Variants in STXBP5L observed in about 807,000 individuals in gnomAD.
The protein encoded by STXBP5L is syntaxin binding protein 5L, also known as syntaxin-binding protein 5-like.
A neutral mutation model predicts 144.5 loss-of-function variants in STXBP5L; 65 were observed. The ratio of observed to expected loss-of-function variants is 0.45; its 90% CI spans 0.37 to 0.55. The LOEUF (loss-of-function observed/expected upper bound fraction) is 0.55. STXBP5L is among the 20% of genes least tolerant of loss of function. STXBP5L has a pLI of 0.00. For synonymous variants in STXBP5L, 505 were observed against 469.6 expected, an observed-to-expected ratio of 1.08 and a Z score of -0.97; for missense variants, 1,298 against 1,405.5, an observed-to-expected ratio of 0.92 and a Z score of 1.22.
chr3:121,309,966 G>T (rs1358276246), intron 19 of STXBP5L, among the ~76,000 whole-genome samples: 1 of 145,298 alleles, frequency 6.9e-6, no homozygotes, highest in Non-Finnish European at 1.6e-5. Flanking sequence ...TGTGGTAATT[G>T]AAAAAAAGAT....
chr3:121,162,075 A>G (rs575195150), intron 9 of STXBP5L, among the ~76,000 whole-genome samples: 208 of 152,324 alleles, frequency 1.4e-3, no homozygotes, highest in Admixed American at 3.6e-3. Context: ...ATGGATGAAT[A>G]GAACCATTTT....
At chr3:121,120,665 C>G (rs1254350084) in intron 6 of STXBP5L, among the ~76,000 whole-genome samples, 1 of 151,220 alleles carries the variant, frequency 6.6e-6, no homozygotes, top group African/African-American at 2.4e-5. Context: ...TCTGAGGAGT[C>G]AGCACCAGGA....
At chr3:121,164,073 TC>T (rs1227957457) in intron 9 of STXBP5L, among the ~76,000 whole-genome samples, 1 of 151,966 alleles carries the variant, frequency 6.6e-6, no homozygotes, top group Middle Eastern at 3.2e-3. Context: ...TTTTCATCAC[TC>T]CCCCCAAAAA....
intron 19 of STXBP5L, among the ~76,000 whole-genome samples, chr3:121,313,607 C>T (rs1295222331): frequency 1.9e-5 from 1 of 53,500 alleles, no homozygotes; most frequent in Non-Finnish European, 4.0e-5. Context: ...GGCTGGCCGA[C>T]CCCCCCCCCC....
At chr3:121,064,305 CT>C (rs1300770111) in intron 5 of STXBP5L, among the ~76,000 whole-genome samples, 1 of 152,234 alleles carries the variant, frequency 6.6e-6, no homozygotes, top group African/African-American at 2.4e-5. Context: ...TCTGCACCAA[CT>C]ATCTAACCAG....
intron 3 of STXBP5L, among the ~76,000 whole-genome samples, chr3:120,991,438 C>G (rs1942859030): frequency 6.6e-6 from 1 of 151,920 alleles, no homozygotes; most frequent in Admixed American, 6.6e-5. Flanking sequence ...CCTCAGGGAT[C>G]TAGAACTAGA....
At chr3:120,917,443 G>A (rs1199716476) in intron 2 of STXBP5L, among the ~76,000 whole-genome samples, 1 of 152,158 alleles carries the variant, frequency 6.6e-6, no homozygotes. Context: ...TTGGTACACT[G>A]TAGGGGTGGT....
At chr3:121,225,431 A>T (rs754743549) in intron 11 of STXBP5L, among the ~76,000 whole-genome samples, 23 of 152,100 alleles carry the variant, frequency 1.5e-4, no homozygotes, top group Non-Finnish European at 2.6e-4. Context: ...GATAACACTA[A>T]TATTATTTCA....
intron 19 of STXBP5L, among the ~76,000 whole-genome samples, chr3:121,307,859 C>G (rs571809536): frequency 6.6e-6 from 1 of 152,072 alleles, no homozygotes; most frequent in Non-Finnish European, 1.5e-5. Context: ...GGAAAAATAT[C>G]TACAACCAGA....
At chr3:121,121,249 G>C (rs2044448169) in intron 6 of STXBP5L, among the ~76,000 whole-genome samples, 1 of 151,106 alleles carries the variant, frequency 6.6e-6, no homozygotes, top group Non-Finnish European at 1.5e-5. Context: ...CTTAAATCAG[G>C]TATGTACTTT....
At chr3:121,059,230 A>G (rs1306203368) in intron 5 of STXBP5L, among the ~76,000 whole-genome samples, 1 of 152,172 alleles carries the variant, frequency 6.6e-6, no homozygotes, top group Non-Finnish European at 1.5e-5. Flanking sequence ...TAAATAGAGA[A>G]TCCTTTCCTT....
intron 6 of STXBP5L, 109 bp downstream of exon 6, chr3:121,115,168 A>C (rs1459926449): frequency 1.4e-5 from 16 of 1,109,704 alleles, no homozygotes; most frequent in Non-Finnish European, 1.8e-5. Flanking sequence ...ATTTATAATG[A>C]ATTTGAGTGA....
intron 19 of STXBP5L, among the ~76,000 whole-genome samples, chr3:121,295,035 T>C (rs2051593998): frequency 6.6e-6 from 1 of 152,302 alleles, no homozygotes; most frequent in Non-Finnish European, 1.5e-5. Flanking sequence ...TATTTGGTTA[T>C]GAAGGGGTGC....
At chr3:121,064,608 G>A (rs2041453121) in intron 5 of STXBP5L, among the ~76,000 whole-genome samples, 1 of 152,180 alleles carries the variant, frequency 6.6e-6, no homozygotes, top group South Asian at 2.1e-4. Context: ...CATTCAGTCT[G>A]TGGACATATG....
intron 9 of STXBP5L, among the ~76,000 whole-genome samples, chr3:121,188,917 C>G (rs1163471698): frequency 1.3e-5 from 2 of 152,210 alleles, no homozygotes; most frequent in Non-Finnish European, 2.9e-5. Context: ...GATGCCCTGC[C>G]TCACCACTCC....
intron 9 of STXBP5L, among the ~76,000 whole-genome samples, chr3:121,186,262 C>T (rs1434602300): frequency 6.6e-6 from 1 of 152,206 alleles, no homozygotes; most frequent in Non-Finnish European, 1.5e-5. Context: ...ATTTGACTTC[C>T]TCTTTTCCTA....
chr3:121,253,339 T>A (rs1227250245), intron 15 of STXBP5L, among the ~76,000 whole-genome samples: 2 of 151,934 alleles, frequency 1.3e-5, no homozygotes, highest in East Asian at 3.8e-4. Flanking sequence ...GCTCTCTCTT[T>A]TACTCTTTAT....
At chr3:121,372,158 G>T (rs760417260) in intron 20 of STXBP5L, among the ~76,000 whole-genome samples, 1 of 152,092 alleles carries the variant, frequency 6.6e-6, no homozygotes, top group Admixed American at 6.5e-5. Context: ...CAGCACAGGA[G>T]CTATGATAAG....
rs75924144 is a variant in STXBP5L at position 121,289,278 on chromosome 3, T to G, written c.2110+9322T>G. 3.0e-3 allele frequency among the ~76,000 whole-genome samples: 458 copies of G among 152,244 alleles called. 4 individuals are homozygous for G. The highest frequency in any genetic ancestry group is 0.011 in the African/African-American group (445 of 41,540). On this transcript the variant is annotated intron_variant, in intron 19 of 26. Transcript: ENST00000471454. ...ACATGAAGGGACATTGTTTAAAGAA[T>G]GTCCCTTCTTGTTTAAAGAAGACAG...
Sources: gnomAD v4.1 joint callset for allele counts (sites outside exome capture counted in the v4.1 genomes callset) on GRCh38, gnomAD v4.1.1 for gene constraint, MANE v1.5 for transcripts, NCBI Gene and HGNC (gene_info 2026-07-23, HGNC 2026-07-21) for gene names.